The following RAPGEF5 variants were observed in gnomAD, a reference collection of about 807,000 sequenced individuals.
The protein encoded by RAPGEF5 is M-Ras-regulated GEF.
RAPGEF5 carries 65 observed loss-of-function variants against 125.2 expected under a neutral mutation model. The ratio of observed to expected loss-of-function variants is 0.52; its 90% CI spans 0.43 to 0.64. The LOEUF (loss-of-function observed/expected upper bound fraction) is 0.64, where lower values mean the gene tolerates loss of function less well. Ranked by LOEUF, RAPGEF5 falls within the 30% of genes least tolerant of loss-of-function variation. The pLI is 0.00. For missense variants in RAPGEF5, 958 were observed against 1,048.1 expected (o/e 0.91, Z 1.19); for synonymous variants, 391 against 385.9 (o/e 1.01, Z -0.16).
In RAPGEF5 at chr7:22,121,099, T is replaced by A. The variant is rs866134049; in HGVS notation, c.*1307A>T. 3.3e-5 allele frequency: 5 copies of A among 152,064 alleles called. No homozygotes were observed. Among genetic ancestry groups the A allele is most frequent in the Admixed American group, 2.0e-4 (3 of 15,270 alleles). 9.4% of individuals were successfully genotyped at this position (152,064 alleles called of 1,614,324 possible). A position where few individuals can be genotyped will look rare whatever the true frequency, so the allele number is the denominator to read the frequency against. The stretch of plus-strand genomic sequence containing the variant: ...TTTCATTATTTTGACCCATAGGCTG[T>A]TTTGTTCATGTGAAGGTTGAAAGAA... On this transcript the variant is annotated 3_prime_UTR_variant, in exon 26 of 26. Coordinates refer to ENST00000665637, the MANE Select transcript of RAPGEF5 (RefSeq NM_012294.5).
chr7:22,333,993 G>A (rs1783977723), intron 1 of RAPGEF5, among the ~76,000 whole-genome samples: 1 of 148,830 alleles, frequency 6.7e-6, no homozygotes, highest in Admixed American at 6.8e-5. Flanking sequence ...TTGTGCATGG[G>A]AGCGGCTGGC....
chr7:22,296,259 T>C (rs1244854461), intron 5 of RAPGEF5, among the ~76,000 whole-genome samples: 2 of 152,144 alleles, frequency 1.3e-5, no homozygotes, highest in African/African-American at 4.8e-5. Context: ...CTGAATAATC[T>C]GAGGCAAACA....
chr7:22,355,824 A>G (rs935967690), intron 1 of RAPGEF5, among the ~76,000 whole-genome samples: 4 of 152,242 alleles, frequency 2.6e-5, no homozygotes, highest in African/African-American at 9.6e-5. Flanking sequence ...CCCATCTCTG[A>G]AAGAGCTAGA....
At chr7:22,141,848 A>G (rs907227181) in intron 20 of RAPGEF5, among the ~76,000 whole-genome samples, 1 of 151,720 alleles carries the variant, frequency 6.6e-6, no homozygotes, top group African/African-American at 2.4e-5. Context: ...TCCTGGGTCG[A>G]CCCCACTTGG....
chr7:22,296,415 C>T (rs1783061874), intron 5 of RAPGEF5, among the ~76,000 whole-genome samples: 1 of 152,100 alleles, frequency 6.6e-6, no homozygotes, highest in Non-Finnish European at 1.5e-5. Flanking sequence ...TGGGAAATAA[C>T]CTCTATTGTG....
At chr7:22,246,259 A>C (rs180886048) in intron 7 of RAPGEF5, among the ~76,000 whole-genome samples, 87 of 152,322 alleles carry the variant, frequency 5.7e-4, no homozygotes, top group African/African-American at 2.0e-3. Context: ...AAAAGAGCCC[A>C]AATAGCCAAA....
chr7:22,133,954 C>G (rs1357445208), intron 23 of RAPGEF5, among the ~76,000 whole-genome samples: 1 of 152,112 alleles, frequency 6.6e-6, no homozygotes, highest in Non-Finnish European at 1.5e-5. Flanking sequence ...TCAAAAAATG[C>G]AATATGGGGG....
At chr7:22,197,010 C>T (rs1031163539) in intron 9 of RAPGEF5, among the ~76,000 whole-genome samples, 2 of 152,068 alleles carry the variant, frequency 1.3e-5, no homozygotes, top group Admixed American at 6.6e-5. Context: ...GGAGAATATT[C>T]GAGTCATGGG....
chr7:22,351,285 T>G (rs940032371), intron 1 of RAPGEF5, among the ~76,000 whole-genome samples: 2 of 152,208 alleles, frequency 1.3e-5, no homozygotes, highest in Non-Finnish European at 2.9e-5. Context: ...CTAAACCCAA[T>G]ATGTCAATAA....
intron 11 of RAPGEF5, among the ~76,000 whole-genome samples, chr7:22,170,701 A>G (rs1281174822): frequency 6.6e-6 from 1 of 152,240 alleles, no homozygotes; most frequent in Non-Finnish European, 1.5e-5. Context: ...TTGGCATTCA[A>G]TTCAATTAAT....
At chr7:22,264,538 G>T (rs1782236540) in intron 7 of RAPGEF5, among the ~76,000 whole-genome samples, 2 of 152,184 alleles carry the variant, frequency 1.3e-5, no homozygotes, top group South Asian at 4.1e-4. Context: ...CCAGAAAGTT[G>T]AAACTTCTTC....
chr7:22,337,302 C>G (rs1784045314), intron 1 of RAPGEF5, among the ~76,000 whole-genome samples: 1 of 152,040 alleles, frequency 6.6e-6, no homozygotes, highest in African/African-American at 2.4e-5. Context: ...ATAACAGGAC[C>G]AGTTGTCAAG....
chr7:22,254,780 G>C (rs1002568128), intron 7 of RAPGEF5, among the ~76,000 whole-genome samples: 1 of 151,970 alleles, frequency 6.6e-6, no homozygotes, highest in African/African-American at 2.4e-5. Context: ...AGATCATCAG[G>C]CACTAGATTA....
At chr7:22,307,719 C>A (rs963507320) in intron 5 of RAPGEF5, among the ~76,000 whole-genome samples, 5 of 152,168 alleles carry the variant, frequency 3.3e-5, no homozygotes, top group South Asian at 2.1e-4. Context: ...ATTCTGGACA[C>A]TGAAGTGTTC....
intron 24 of RAPGEF5, 141 bp from the exon 25 acceptor site, chr7:22,125,799 C>T: frequency 1.3e-6 from 1 of 780,202 alleles, no homozygotes. Context: ...CTGGATGTAG[C>T]TTTGATTCTA....
At chr7:22,234,615 G>T (rs941853510) in intron 7 of RAPGEF5, among the ~76,000 whole-genome samples, 1 of 152,176 alleles carries the variant, frequency 6.6e-6, no homozygotes, top group Admixed American at 6.5e-5. Flanking sequence ...GGAGAACTAA[G>T]CATGTATGTG....
chr7:22,326,911 C>T (rs1783825560), intron 1 of RAPGEF5, among the ~76,000 whole-genome samples: 1 of 152,152 alleles, frequency 6.6e-6, no homozygotes, highest in South Asian at 2.1e-4. Context: ...TGAGAGGAAA[C>T]TTTTGCAGGT....
At chr7:22,284,535 T>C (rs996878073) in intron 6 of RAPGEF5, among the ~76,000 whole-genome samples, 1 of 152,200 alleles carries the variant, frequency 6.6e-6, no homozygotes, top group African/African-American at 2.4e-5. Flanking sequence ...TGCCTGGCCC[T>C]TCCCCAAATC....
chr7:22,336,304 C>T (rs1784025788), intron 1 of RAPGEF5, among the ~76,000 whole-genome samples: 1 of 152,170 alleles, frequency 6.6e-6, no homozygotes, highest in South Asian at 2.1e-4. Context: ...CATGTATCTA[C>T]TACATGAAGT....
Sources: gnomAD v4.1 joint callset for allele counts (sites outside exome capture counted in the v4.1 genomes callset) on GRCh38, gnomAD v4.1.1 for gene constraint, MANE v1.5 for transcripts, NCBI Gene and HGNC (gene_info 2026-07-23, HGNC 2026-07-21) for gene names.